The following FN1 variants were observed in gnomAD, a reference collection of about 807,000 sequenced individuals.
FN1 encodes the protein fibronectin.
Under a neutral mutation model 297.3 loss-of-function variants are expected in FN1, and 106 were observed. That is an observed-to-expected ratio of 0.36 (90% confidence interval 0.30 to 0.42). FN1 has a LOEUF of 0.42. Ranked by LOEUF, FN1 falls within the 10% of genes least tolerant of loss-of-function variation. The pLI is 1.00. For missense variants in FN1, 2,690 were observed against 3,124.9 expected, an observed-to-expected ratio of 0.86 and a Z score of 3.32; for synonymous variants, 1,149 against 1,152.6, an observed-to-expected ratio of 1.00 and a Z score of 0.06.
chr2:215,414,645 C>A, intron 13 of FN1, 192 bp downstream of exon 13: 3 of 1,335,786 alleles, frequency 2.2e-6, no homozygotes, highest in East Asian at 2.7e-5. Flanking sequence ...AACCCAAAAC[C>A]AAAACCAAAA....
intron 38 of FN1, among the ~76,000 whole-genome samples, chr2:215,374,948 A>C (rs1443143002): frequency 6.6e-6 from 1 of 152,220 alleles, no homozygotes; most frequent in Non-Finnish European, 1.5e-5. Context: ...GACTGAATTG[A>C]CAGGTATCTG....
At chr2:215,411,665 CTTTTTT>C (rs11367419) in intron 13 of FN1, among the ~76,000 whole-genome samples, 2 of 120,176 alleles carry the variant, frequency 1.7e-5, no homozygotes, top group Admixed American at 8.9e-5. Flanking sequence ...ATTCAATGTA[CTTTTTT>C]TTTTTTTTTT....
chr2:215,371,362 GT>G (rs34947596), intron 40 of FN1, among the ~76,000 whole-genome samples: 2,528 of 146,686 alleles, frequency 0.017, 38 homozygotes, highest in Middle Eastern at 0.032. Flanking sequence ...AGCTTCGCCT[GT>G]TTTTTTTTTT....
At chr2:215,405,869 T>C (rs913661666) in intron 19 of FN1, among the ~76,000 whole-genome samples, 1 of 152,250 alleles carries the variant, frequency 6.6e-6, no homozygotes, top group Non-Finnish European at 1.5e-5. Flanking sequence ...TACTAGACAC[T>C]TGACAATTGC....
At chr2:215,416,438 A>G (rs1474456995) in intron 12 of FN1, among the ~76,000 whole-genome samples, 1 of 152,196 alleles carries the variant, frequency 6.6e-6, no homozygotes, top group African/African-American at 2.4e-5. Flanking sequence ...AGATCCTTAC[A>G]AATGTAAACA....
At chr2:215,384,254 T>C in intron 29 of FN1, 70 bp from the exon 30 acceptor site, 1 of 1,389,666 alleles carries the variant, frequency 7.2e-7, no homozygotes, top group Non-Finnish European at 1.0e-6. Flanking sequence ...ATTAATTGAA[T>C]TACCACATTT....
At chr2:215,420,984 G>T (rs2064232975) in intron 10 of FN1, 183 bp from the exon 11 acceptor site, 3 of 638,418 alleles carry the variant, frequency 4.7e-6, no homozygotes, top group East Asian at 3.0e-5. Flanking sequence ...TACAATTTTT[G>T]CCAAAAAAAT....
intron 5 of FN1, among the ~76,000 whole-genome samples, chr2:215,429,466 G>C (rs1236493177): frequency 6.6e-6 from 1 of 152,052 alleles, no homozygotes; most frequent in Non-Finnish European, 1.5e-5. Context: ...TGCAACTCCT[G>C]GGTTAGAGAA....
intron 8 of FN1, 65 bp downstream of exon 8, chr2:215,424,081 C>T (rs1161027536): frequency 6.6e-7 from 1 of 1,510,936 alleles, no homozygotes; most frequent in Non-Finnish European, 9.2e-7. Flanking sequence ...AGAATGCTGG[C>T]AAATAAAACT....
intron 39 of FN1, 106 bp from the exon 40 acceptor site, chr2:215,372,481 A>C: frequency 1.2e-6 from 1 of 848,186 alleles, no homozygotes; most frequent in Non-Finnish European, 2.0e-6. Context: ...CATCAATTTG[A>C]TAAAAGCCAC....
rs1367614775 is a variant in FN1 at position 215,364,923 on chromosome 2, A to G, written c.7207T>C (p.Tyr2403His). The change falls in exon 44 of 46, where the codon TAT becomes CAT. Residue 2403 changes from tyrosine to histidine, a missense_variant. Around this residue, in one of 3 missense-constraint regions of FN1, gnomAD observed 1,743 missense variants for 1,945.2 expected, o/e 0.90. Coordinates refer to ENST00000354785, the MANE Select transcript of FN1 (RefSeq NM_212482.4). ...GTGCAGGAGCAAATGGCACCGAGAT[A>G]TTCCTTCTGCCACTGTTCTCCTACG... is the stretch of plus-strand genomic sequence containing the variant. ...YHVGEQWQKEYLGAICSCTCF... is the reference protein window; with the variant it reads ...YHVGEQWQKEHLGAICSCTCF... 7.0e-6 allele frequency: 11 copies of G among 1,575,722 alleles called. No individual in the cohort carries two copies. Among genetic ancestry groups the G allele is most frequent in the Non-Finnish European group, 9.5e-6 (11 of 1,159,558 alleles).
intron 32 of FN1, chr2:215,381,543 G>A (rs10181380): frequency 0.2 from 49,063 of 244,616 alleles, 5,515 homozygotes; most frequent in Non-Finnish European, 0.24. Context: ...GCATGATCTT[G>A]GCTCACTGCA....
At chr2:215,420,898 T>G (rs2064213543) in intron 10 of FN1, 97 bp from the exon 11 acceptor site, 1 of 1,093,020 alleles carries the variant, frequency 9.1e-7, no homozygotes, top group Non-Finnish European at 1.4e-6. Context: ...TACTTCCACT[T>G]AATTATCAAC....
chr2:215,431,357 T>C (rs1206446166), intron 4 of FN1, among the ~76,000 whole-genome samples: 1 of 152,204 alleles, frequency 6.6e-6, no homozygotes, highest in Admixed American at 6.5e-5. Context: ...TTCAGGCTTG[T>C]ACTTACAAAA....
At position 215,435,983 on chromosome 2, in the gene FN1, C is replaced by T. The variant is rs1317106900; in HGVS notation, c.-181G>A. ...GAGGGACAGAAGGGATGCAGAGGAC[C>T]AGAGAAGTTGTGGCTGCAGGTCCCC... is the stretch of plus-strand genomic sequence containing the variant. On this transcript the variant is annotated 5_prime_UTR_variant, in exon 1 of 46. Coordinates refer to ENST00000354785, the MANE Select transcript of FN1 (RefSeq NM_212482.4). The T allele has an allele frequency of 5.9e-6, 8 of 1,352,000 alleles. No homozygotes were observed. Among genetic ancestry groups the T allele is most frequent in the Non-Finnish European group, 7.8e-6 (8 of 1,025,890 alleles). 83.8% of individuals were successfully genotyped at this position (1,352,000 alleles called of 1,614,324 possible). A position where few individuals can be genotyped will look rare whatever the true frequency, so the allele number is the denominator to read the frequency against.
rs2058288006 is a variant in FN1 at position 215,382,005 on chromosome 2, T to C, written c.5164+207A>G. On this transcript the variant is annotated intron_variant, in intron 32 of 45. Coordinates refer to ENST00000354785, the MANE Select transcript of FN1 (RefSeq NM_212482.4). Reference sequence around the variant, plus strand: ...AAATTCAAAGCACAGCAACTAACTATGGTGGTTTCACAACTTCTTTCTCTG... The same window carrying C: ...AAATTCAAAGCACAGCAACTAACTACGGTGGTTTCACAACTTCTTTCTCTG... 10 of 547,072 alleles carry C rather than the reference T, an allele frequency of 1.8e-5. No individual in the cohort carries two copies. In the South Asian group the frequency reaches 2.0e-4, roughly 11 times the overall value. 33.9% of individuals were successfully genotyped at this position (547,072 alleles called of 1,614,324 possible).
intron 24 of FN1, chr2:215,393,703 A>G (rs1238072545): frequency 6.6e-6 from 1 of 152,292 alleles, no homozygotes; most frequent in Non-Finnish European, 1.5e-5. Flanking sequence ...CATCATGGCC[A>G]TAACGCTAAT....
At chr2:215,371,792 C>T (rs778039009) in intron 40 of FN1, 117 bp downstream of exon 40, 7 of 856,042 alleles carry the variant, frequency 8.2e-6, no homozygotes, top group South Asian at 7.1e-5. Context: ...GGATTACAGG[C>T]GTGAGCCATC....
intron 23 of FN1, 134 bp from the exon 24 acceptor site, chr2:215,394,853 T>TA: frequency 2.8e-6 from 2 of 705,924 alleles, no homozygotes; most frequent in South Asian, 3.1e-5. Context: ...CTGTCACTGT[T>TA]ATTCAATGCT....
Sources: gnomAD v4.1 joint callset for allele counts (sites outside exome capture counted in the v4.1 genomes callset) on GRCh38, gnomAD v4.1.1 for gene constraint, gnomAD v4.1.1 regional missense constraint, MANE v1.5 for transcripts, NCBI Gene and HGNC (gene_info 2026-07-23, HGNC 2026-07-21) for gene names.